The following MIA2 variants were observed in gnomAD, a reference collection of about 807,000 sequenced individuals.
MIA2 encodes MIA SH3 domain ER export factor 2.
In MIA2, 127 loss-of-function variants were observed where a neutral mutation model predicts 167.8. The ratio of observed to expected loss-of-function variants is 0.76; its 90% CI spans 0.66 to 0.88. The LOEUF is 0.88. MIA2 is among the 40% of genes least tolerant of loss of function. MIA2 has a pLI of 0.00. For synonymous variants in MIA2, 552 were observed against 541.9 expected (o/e 1.02, Z -0.26); for missense variants, 1,690 against 1,624.7 (o/e 1.04, Z -0.69).
chr14:39,314,834 GTGTA>G (rs771080787), intron 20 of MIA2, 35 bp downstream of exon 20: 223 of 1,279,574 alleles, frequency 1.7e-4, no homozygotes, highest in Middle Eastern at 4.3e-4. Context: ...GTGTGTGTGT[GTGTA>G]TATATATATA....
chr14:39,283,856 G>A (rs2059278636), intron 9 of MIA2, among the ~76,000 whole-genome samples: 1 of 152,092 alleles, frequency 6.6e-6, no homozygotes, highest in African/African-American at 2.4e-5. Flanking sequence ...CAGGTTGTAT[G>A]TTTGCTTGCT....
At chr14:39,347,841 T>TTA (rs1555415292) in intron 27 of MIA2, 70 bp downstream of exon 27, 15 of 1,106,242 alleles carry the variant, frequency 1.4e-5, no homozygotes, top group African/African-American at 9.0e-5. Context: ...TTTTTTTTTT[T>TTA]ATGGAGTTTC....
At chr14:39,358,001 C>T (rs1185090403) in intron 23 of MIA2, among the ~76,000 whole-genome samples, 5 of 152,142 alleles carry the variant, frequency 3.3e-5, no homozygotes, top group South Asian at 2.1e-4. Flanking sequence ...TCCTTCATTT[C>T]GACTTTGGTG....
intron 23 of MIA2, among the ~76,000 whole-genome samples, chr14:39,360,746 A>G (rs533630393): frequency 6.6e-6 from 1 of 152,142 alleles, no homozygotes; most frequent in African/African-American, 2.4e-5. Flanking sequence ...CCAATGCCCT[A>G]TAGTGTTCCC....
At chr14:39,238,807 A>AAAAAAAAAAAAAAAAAAAAAAT (rs1566583465) in intron 2 of MIA2, among the ~76,000 whole-genome samples, 20 of 148,492 alleles carry the variant, frequency 1.3e-4, no homozygotes, top group African/African-American at 4.7e-4. Context: ...AAAAAAAAAA[A>AAAAAAAAAAAAAAAAAAAAAAT]AAAACCCAAA....
chr14:39,300,103 T>G, intron 14 of MIA2, 117 bp downstream of exon 14: 2 of 1,325,422 alleles, frequency 1.5e-6, no homozygotes, highest in Non-Finnish European at 2.1e-6. Context: ...ATAACATATT[T>G]GGCCAGATTT....
In MIA2 at chr14:39,277,080, C is replaced by T. The variant is rs779437727; in HGVS notation, c.2019+15C>T. The stretch of plus-strand genomic sequence containing the variant: ...GTTTTAGATCGGTAAGTAACCAGTG[C>T]TATACTAAGAGAATGTTCATTTTGT... On this transcript the variant is annotated intron_variant, in intron 7 of 28. Transcript: ENST00000640607. The T allele has an allele frequency of 6.2e-7, 1 of 1,607,386 alleles. No individual in the cohort carries two copies. The highest frequency in any genetic ancestry group is 1.1e-5 in the South Asian group (1 of 89,992).
Position 39,260,306 on chromosome 14 carries a change from A to C in MIA2, c.1887+7135A>C, listed in dbSNP as rs574624896. Among the ~76,000 whole-genome samples, 12 of 152,308 alleles carry C rather than the reference A, an allele frequency of 7.9e-5. No individual in the cohort carries two copies. The South Asian group carries it at 2.3e-3, about 29-fold the overall frequency. On this transcript the variant is annotated intron_variant, in intron 6 of 28. Coordinates refer to ENST00000640607, the MANE Select transcript of MIA2 (RefSeq NM_001329214.4). ...CACTGTCTTCCACAGTGGTTGAACTAGTTTACAGTCCCACCAACAGTGTAA... is the reference window on the plus strand; with the variant it reads ...CACTGTCTTCCACAGTGGTTGAACTCGTTTACAGTCCCACCAACAGTGTAA...
intron 11 of MIA2, among the ~76,000 whole-genome samples, chr14:39,293,726 G>A (rs1217898288): frequency 2.6e-5 from 4 of 152,052 alleles, no homozygotes; most frequent in Admixed American, 2.6e-4. Context: ...TGAAAATCTT[G>A]ATGTATGTGA....
intron 13 of MIA2, among the ~76,000 whole-genome samples, chr14:39,295,418 A>G (rs1202639626): frequency 6.6e-6 from 1 of 152,144 alleles, no homozygotes; most frequent in African/African-American, 2.4e-5. Flanking sequence ...TCTCCCCCAC[A>G]TACATAGATA....
intron 7 of MIA2, 115 bp downstream of exon 7, chr14:39,277,180 C>G: frequency 7.4e-7 from 1 of 1,346,660 alleles, no homozygotes; most frequent in Non-Finnish European, 1.0e-6. Flanking sequence ...CATAGGGATT[C>G]AGAGGTTTTT....
intron 25 of MIA2, among the ~76,000 whole-genome samples, chr14:39,328,939 G>C (rs1028360057): frequency 2.6e-5 from 4 of 152,054 alleles, no homozygotes; most frequent in Admixed American, 2.0e-4. Context: ...GGATTGTCTT[G>C]GATATATGGG....
chr14:39,288,380 G>A (rs2060096874), intron 9 of MIA2, among the ~76,000 whole-genome samples: 1 of 144,302 alleles, frequency 6.9e-6, no homozygotes, highest in Non-Finnish European at 1.5e-5. Flanking sequence ...TTGTCTTTCA[G>A]TCTGTGAATG....
chr14:39,336,860 C>T (rs1011449871), intron 25 of MIA2, among the ~76,000 whole-genome samples: 7 of 152,212 alleles, frequency 4.6e-5, no homozygotes, highest in Admixed American at 3.3e-4. Context: ...ATCCTCCCCT[C>T]TCAGCCTCCC....
chr14:39,299,164 T>TTAAGCTTTA (rs2061986087), intron 13 of MIA2, among the ~76,000 whole-genome samples: 1 of 151,434 alleles, frequency 6.6e-6, no homozygotes, highest in Non-Finnish European at 1.5e-5. Flanking sequence ...TGTGAAGCTT[T>TTAAGCTTTA]TAAGCTTTAT....
At chr14:39,371,373 AAAAG>A (rs1408841144) in intron 23 of MIA2, among the ~76,000 whole-genome samples, 2 of 152,178 alleles carry the variant, frequency 1.3e-5, no homozygotes, top group African/African-American at 4.8e-5. Context: ...TGGTTGCAAA[AAAAG>A]ACAAGACTTT....
Position 39,379,775 on chromosome 14 carries a change from T to C in MIA2, c.2249-7110T>C, listed in dbSNP as rs150138218. 8.8e-4 allele frequency among the ~76,000 whole-genome samples: 134 copies of C among 152,256 alleles called. 1 individual carries two copies. Among genetic ancestry groups the C allele is most frequent in the African/African-American group, 3.1e-3 (129 of 41,558 alleles). ...CTGAGGCAGGAGAATTGCTTGATCC[T>C]GGGAGGCAGAGGTTGAAGTAAGCCA... On this transcript the variant is annotated intron_variant, in intron 23 of 23. Transcript: ENST00000341502.
chr14:39,353,289 T>C (rs912327661), downstream of MIA2, among the ~76,000 whole-genome samples: 3 of 152,216 alleles, frequency 2.0e-5, no homozygotes, highest in Admixed American at 6.5e-5. Flanking sequence ...TTAGAATTTA[T>C]TTCATCTAAC....
downstream of MIA2, among the ~76,000 whole-genome samples, chr14:39,351,594 G>A (rs957992724): frequency 6.6e-6 from 1 of 152,076 alleles, no homozygotes; most frequent in South Asian, 2.1e-4. Flanking sequence ...TATGGGGGTG[G>A]AGACTTCATG....
Sources: gnomAD v4.1 joint callset for allele counts (sites outside exome capture counted in the v4.1 genomes callset) on GRCh38, gnomAD v4.1.1 for gene constraint, MANE v1.5 for transcripts, NCBI Gene and HGNC (gene_info 2026-07-23, HGNC 2026-07-21) for gene names.